The following ITPK1 variants were observed in gnomAD, a reference collection of about 807,000 sequenced individuals.
ITPK1 encodes the protein inositol 1,3,4-trisphosphate 5/6-kinase.
Under a neutral mutation model 45.3 loss-of-function variants are expected in ITPK1, and 21 were observed. The ratio of observed to expected loss-of-function variants is 0.46; its 90% CI spans 0.33 to 0.67. The LOEUF is 0.67. ITPK1 is among the 30% of genes least tolerant of loss of function. The pLI, the probability that ITPK1 is intolerant of heterozygous loss-of-function variation, is 0.02. For missense variants in ITPK1, 474 were observed against 573.5 expected (o/e 0.83, Z 1.77); for synonymous variants, 258 against 253.6 (o/e 1.02, Z -0.16).
chr14:92,996,097 A>C (rs1205466534), intron 4 of ITPK1, among the ~76,000 whole-genome samples: 1 of 152,160 alleles, frequency 6.6e-6, no homozygotes, highest in Non-Finnish European at 1.5e-5. Flanking sequence ...GCCCAACATT[A>C]ATAGCTGGGT....
intron 4 of ITPK1, among the ~76,000 whole-genome samples, chr14:92,996,139 T>A (rs1887044955): frequency 6.6e-6 from 1 of 152,142 alleles, no homozygotes; most frequent in African/African-American, 2.4e-5. Flanking sequence ...CCCAGCTCCT[T>A]GGGAGGCTGA....
chr14:93,009,013 C>T (rs1887758540), intron 4 of ITPK1, among the ~76,000 whole-genome samples: 3 of 152,042 alleles, frequency 2.0e-5, no homozygotes, highest in South Asian at 2.1e-4. Context: ...CAGTGACGCT[C>T]GACCAGGGGT....
At chr14:93,029,458 T>C (rs536176917) in intron 3 of ITPK1, among the ~76,000 whole-genome samples, 11 of 151,278 alleles carry the variant, frequency 7.3e-5, no homozygotes, top group South Asian at 2.1e-4. Flanking sequence ...CCTAGCAGGG[T>C]AAGAAAAATA....
intron 2 of ITPK1, among the ~76,000 whole-genome samples, chr14:93,107,883 A>C (rs1469428576): frequency 6.6e-6 from 1 of 152,238 alleles, no homozygotes; most frequent in South Asian, 2.1e-4. Flanking sequence ...GGCTCAGAGC[A>C]GCAAGACGAA....
chr14:92,987,819 C>T (rs1158284997), intron 5 of ITPK1, among the ~76,000 whole-genome samples: 1 of 152,204 alleles, frequency 6.6e-6, no homozygotes, highest in Admixed American at 6.5e-5. Context: ...CCATTTCTTC[C>T]TCACCCCATG....
At chr14:93,062,013 G>A (rs1890545508) in intron 3 of ITPK1, among the ~76,000 whole-genome samples, 1 of 152,240 alleles carries the variant, frequency 6.6e-6, no homozygotes, top group Non-Finnish European at 1.5e-5. Flanking sequence ...GCTCGCGCCT[G>A]TAATCCCAAC....
intron 3 of ITPK1, among the ~76,000 whole-genome samples, chr14:93,037,273 G>A: frequency 6.6e-6 from 1 of 152,256 alleles, no homozygotes; most frequent in East Asian, 1.9e-4. Flanking sequence ...GCATTTCTCA[G>A]CCTAGGACGT....
chr14:92,988,999 A>G (rs767187679), intron 5 of ITPK1, among the ~76,000 whole-genome samples: 1 of 152,026 alleles, frequency 6.6e-6, no homozygotes, highest in Non-Finnish European at 1.5e-5. Flanking sequence ...CCTTGACTCC[A>G]AGTCCCCACC....
chr14:92,955,421 G>A (rs567728311), intron 8 of ITPK1, among the ~76,000 whole-genome samples: 34 of 152,306 alleles, frequency 2.2e-4, no homozygotes, highest in Admixed American at 7.8e-4. Context: ...CCTGCGCTGC[G>A]TCCTCAGGGT....
intron 3 of ITPK1, among the ~76,000 whole-genome samples, chr14:93,074,455 C>T (rs981403919): frequency 1.3e-5 from 2 of 152,252 alleles, no homozygotes; most frequent in Non-Finnish European, 1.5e-5. Flanking sequence ...TCTCCTCGAG[C>T]GGTGGGGGTG....
chr14:92,964,172 T>G (rs370824516), intron 5 of ITPK1, among the ~76,000 whole-genome samples: 2 of 152,166 alleles, frequency 1.3e-5, no homozygotes, highest in Non-Finnish European at 1.5e-5. Flanking sequence ...ACAGAAAGAT[T>G]TGGGGGGTTG....
At chr14:92,995,857 G>T (rs1189077866) in intron 4 of ITPK1, among the ~76,000 whole-genome samples, 1 of 152,140 alleles carries the variant, frequency 6.6e-6, no homozygotes, top group Non-Finnish European at 1.5e-5. Context: ...CTGCCCTGGG[G>T]CCAAGCAGCC....
intron 9 of ITPK1, among the ~76,000 whole-genome samples, chr14:92,948,311 T>A (rs1887781199): frequency 6.6e-6 from 1 of 152,158 alleles, no homozygotes; most frequent in Non-Finnish European, 1.5e-5. Flanking sequence ...TGCCACTGAA[T>A]TATTCGCTTT....
chr14:92,938,071 T>C lies in ITPK1; in HGVS notation c.*3490A>G. On this transcript the variant is annotated 3_prime_UTR_variant, in exon 11 of 11. Coordinates refer to ENST00000267615, the MANE Select transcript of ITPK1 (RefSeq NM_014216.6). ...GCCTCCCGAGTTCAAGCAATTCTCC[T>C]GCCTCAGCCTCCCAAGTAGCTGGGA... The C allele has an allele frequency of 4.7e-6, 1 of 214,084 alleles. No homozygotes were observed. The highest frequency in any genetic ancestry group is 9.3e-6 in the Non-Finnish European group (1 of 106,992). 13.3% of individuals were successfully genotyped at this position (214,084 alleles called of 1,614,324 possible). A position where few individuals can be genotyped will look rare whatever the true frequency, so the allele number is the denominator to read the frequency against.
chr14:92,981,020 T>C (rs1886202442), intron 5 of ITPK1, among the ~76,000 whole-genome samples: 1 of 152,192 alleles, frequency 6.6e-6, no homozygotes, highest in Admixed American at 6.5e-5. Flanking sequence ...TCTTGTAGTT[T>C]TTCTTGGCCG....
At chr14:93,033,700 TAGAG>T (rs1412425059) in intron 3 of ITPK1, among the ~76,000 whole-genome samples, 2 of 151,950 alleles carry the variant, frequency 1.3e-5, no homozygotes, top group Non-Finnish European at 2.9e-5. Context: ...AAAGAGGCGC[TAGAG>T]AGAGACAGAC....
chr14:93,054,664 A>G (rs910114094), intron 3 of ITPK1, among the ~76,000 whole-genome samples: 38 of 152,256 alleles, frequency 2.5e-4, no homozygotes, highest in Admixed American at 6.5e-5. Context: ...TCATCCTCGG[A>G]GCCTGCATCA....
At chr14:93,021,618 A>G (rs1888471869) in intron 3 of ITPK1, among the ~76,000 whole-genome samples, 1 of 150,722 alleles carries the variant, frequency 6.6e-6, no homozygotes, top group Non-Finnish European at 1.5e-5. Context: ...AGAAAAAGAA[A>G]AAGAAACGAG....
intron 2 of ITPK1, among the ~76,000 whole-genome samples, chr14:93,081,918 T>G (rs1224661398): frequency 1.3e-5 from 2 of 152,170 alleles, no homozygotes; most frequent in African/African-American, 4.8e-5. Flanking sequence ...GAACCACCAC[T>G]GGAGCGTGTC....
Sources: gnomAD v4.1 joint callset for allele counts (sites outside exome capture counted in the v4.1 genomes callset) on GRCh38, gnomAD v4.1.1 for gene constraint, MANE v1.5 for transcripts, NCBI Gene and HGNC (gene_info 2026-07-23, HGNC 2026-07-21) for gene names.